SHISA6: variants seen among roughly 807,000 people sequenced by gnomAD.
SHISA6 encodes protein shisa-6.
SHISA6 carries 22 observed loss-of-function variants against 47.9 expected under a neutral mutation model. The ratio of observed to expected loss-of-function variants is 0.46; its 90% confidence interval spans 0.33 to 0.66. The LOEUF (loss-of-function observed/expected upper bound fraction) is 0.66, where lower values mean the gene tolerates loss of function less well. SHISA6 is among the 30% of genes least tolerant of loss of function. The pLI is 0.02. For missense variants in SHISA6, 680 were observed against 764.6 expected (o/e 0.89, Z 1.30); for synonymous variants, 388 against 337.8 (o/e 1.15, Z -1.63).
At chr17:11,516,553 C>T (rs1007268707) in intron 3 of SHISA6, among the ~76,000 whole-genome samples, 5 of 152,142 alleles carry the variant, frequency 3.3e-5, no homozygotes, top group Admixed American at 2.6e-4. Context: ...AGGAGGACCC[C>T]AATATATAGC....
chr17:11,395,110 C>A (rs2142259063), intron 3 of SHISA6, among the ~76,000 whole-genome samples: 1 of 148,772 alleles, frequency 6.7e-6, no homozygotes, highest in Admixed American at 6.8e-5. Flanking sequence ...CACACGATGG[C>A]CCTTTATTTC....
At chr17:11,544,479 T>C (rs1475030168) in intron 3 of SHISA6, among the ~76,000 whole-genome samples, 1 of 151,880 alleles carries the variant, frequency 6.6e-6, no homozygotes, top group East Asian at 1.9e-4. Context: ...ATAAGGGAAA[T>C]GCACATTAAA....
At chr17:11,537,791 C>T (rs187575129) in intron 3 of SHISA6, among the ~76,000 whole-genome samples, 58 of 152,252 alleles carry the variant, frequency 3.8e-4, no homozygotes, top group African/African-American at 1.2e-3. Flanking sequence ...TATTGTGCTA[C>T]GGTAAACACA....
At chr17:11,484,567 A>C (rs1042241937) in intron 3 of SHISA6, among the ~76,000 whole-genome samples, 3 of 152,024 alleles carry the variant, frequency 2.0e-5, no homozygotes, top group Non-Finnish European at 4.4e-5. Flanking sequence ...CGCCCAGCTA[A>C]TTTTTGTAGT....
chr17:11,524,961 C>CGG lies in SHISA6; in HGVS notation c.896-26929_896-26928dup, dbSNP rs57883932. 7.3e-3 allele frequency among the ~76,000 whole-genome samples: 1,108 copies of CGG among 152,000 alleles called. 18 individuals are homozygous for CGG. The highest frequency in any genetic ancestry group is 0.026 in the African/African-American group (1,056 of 41,408). ...CTACACAGTTGAAACCCTGAGATGA[C>CGG]GGGGGGGTAGATGATCCTTTCATGT... On this transcript the variant is annotated intron_variant, in intron 3 of 5. Coordinates refer to ENST00000441885, the MANE Select transcript of SHISA6 (RefSeq NM_207386.4).
intron 3 of SHISA6, among the ~76,000 whole-genome samples, chr17:11,486,490 T>A (rs1916352707): frequency 6.6e-6 from 1 of 152,184 alleles, no homozygotes; most frequent in Admixed American, 6.5e-5. Flanking sequence ...TGCAAAGTAC[T>A]ATGCTAAGGA....
intron 2 of SHISA6, among the ~76,000 whole-genome samples, chr17:11,292,492 G>A (rs1320317941): frequency 6.6e-6 from 1 of 152,014 alleles, no homozygotes; most frequent in Non-Finnish European, 1.5e-5. Flanking sequence ...CGAATTTGGG[G>A]GAGCACACAA....
chr17:11,330,872 A>G (rs1911081077), intron 2 of SHISA6, among the ~76,000 whole-genome samples: 2 of 152,158 alleles, frequency 1.3e-5, no homozygotes, highest in Non-Finnish European at 2.9e-5. Context: ...GACTTTTCTG[A>G]GTGCTCGTGA....
At chr17:11,292,104 CCTGT>C (rs962161630) in intron 2 of SHISA6, among the ~76,000 whole-genome samples, 7 of 152,092 alleles carry the variant, frequency 4.6e-5, no homozygotes, top group South Asian at 2.1e-4. Context: ...ACTTATTCTT[CCTGT>C]CTAACTGAAA....
chr17:11,427,056 A>G (rs572865288), intron 3 of SHISA6, among the ~76,000 whole-genome samples: 1 of 152,312 alleles, frequency 6.6e-6, no homozygotes, highest in East Asian at 1.9e-4. Context: ...GGGGTAATGC[A>G]AAACTTTTCT....
intron 3 of SHISA6, among the ~76,000 whole-genome samples, chr17:11,542,085 A>G (rs1166185095): frequency 6.6e-6 from 1 of 152,194 alleles, no homozygotes; most frequent in East Asian, 1.9e-4. Context: ...AGCTCTAGAC[A>G]TTCTTGCCCA....
chr17:11,336,119 G>T (rs1911311285), intron 2 of SHISA6, among the ~76,000 whole-genome samples: 1 of 152,076 alleles, frequency 6.6e-6, no homozygotes, highest in South Asian at 2.1e-4. Flanking sequence ...TGAGGCAGGA[G>T]AATTGCTTCA....
chr17:11,534,146 A>G (rs2071764220), intron 3 of SHISA6, among the ~76,000 whole-genome samples: 1 of 126,800 alleles, frequency 7.9e-6, no homozygotes, highest in Non-Finnish European at 1.6e-5. Flanking sequence ...TGCCTTGCTA[A>G]TCTTTTTTTT....
In SHISA6 at chr17:11,503,916, C is replaced by T. The variant is rs112597258; in HGVS notation, c.896-47980C>T. Among the ~76,000 whole-genome samples, 1,327 of 152,276 alleles carry T rather than the reference C, an allele frequency of 8.7e-3. 33 individuals are homozygous for T. Among genetic ancestry groups the T allele is most frequent in the African/African-American group, 0.03 (1,249 of 41,538 alleles). On this transcript the variant is annotated intron_variant, in intron 3 of 5. Coordinates refer to ENST00000441885, the MANE Select transcript of SHISA6 (RefSeq NM_207386.4). ...GTGTTAATGTGTATGCTCTCTGCAGCCTTCTGCTGTCTGTCTCTGTGTGTA... is the reference window on the plus strand; with the variant it reads ...GTGTTAATGTGTATGCTCTCTGCAGTCTTCTGCTGTCTGTCTCTGTGTGTA...
At chr17:11,431,341 C>T (rs568151098) in intron 3 of SHISA6, among the ~76,000 whole-genome samples, 1 of 152,334 alleles carries the variant, frequency 6.6e-6, no homozygotes, top group South Asian at 2.1e-4. Flanking sequence ...GCAGGAAGAG[C>T]TGCCCTTTAT....
At chr17:11,309,528 T>C (rs1001786973) in intron 2 of SHISA6, among the ~76,000 whole-genome samples, 1 of 152,226 alleles carries the variant, frequency 6.6e-6, no homozygotes, top group Non-Finnish European at 1.5e-5. Flanking sequence ...TTTCCTTTTT[T>C]GTTCTCTTAC....
At chr17:11,292,261 T>C (rs1909579553) in intron 2 of SHISA6, among the ~76,000 whole-genome samples, 2 of 151,972 alleles carry the variant, frequency 1.3e-5, no homozygotes, top group Admixed American at 1.3e-4. Context: ...ACATATGAAT[T>C]TTGTCATAAT....
chr17:11,494,785 G>A lies in SHISA6; in HGVS notation c.896-57111G>A, dbSNP rs545581992. Among the ~76,000 whole-genome samples the A allele has an allele frequency of 3.2e-4, 48 of 152,278 alleles. No individual in the cohort carries two copies. The South Asian group carries it at 8.3e-3, about 26-fold the overall frequency. ...TTAACCCGGTGACAGTGCCAGGCTCGATTCCTCAGGTGGAGCAGTTCTCAA... is the reference window on the plus strand; with the variant it reads ...TTAACCCGGTGACAGTGCCAGGCTCAATTCCTCAGGTGGAGCAGTTCTCAA... On this transcript the variant is annotated intron_variant, in intron 3 of 5. Transcript: ENST00000441885.
At position 11,246,351 on chromosome 17, in the gene SHISA6, G is replaced by A. The variant is rs145487850; in HGVS notation, c.638+4291G>A. On this transcript the variant is annotated intron_variant, in intron 1 of 5. Coordinates refer to ENST00000441885, the MANE Select transcript of SHISA6 (RefSeq NM_207386.4). Reference sequence around the variant, plus strand: ...GAAAAACACAAAAAGTTAGCCGGGTGTGGTGGCATGCGCCTGTAGTCCCAG... The same window carrying A: ...GAAAAACACAAAAAGTTAGCCGGGTATGGTGGCATGCGCCTGTAGTCCCAG... Among the ~76,000 whole-genome samples, 1,435 of 152,288 alleles carry A rather than the reference G, an allele frequency of 9.4e-3. 20 individuals carry two copies. The highest frequency in any genetic ancestry group is 0.032 in the African/African-American group (1,318 of 41,562).
Sources: allele counts gnomAD v4.1 joint callset (sites outside exome capture counted in the v4.1 genomes callset), GRCh38; gene constraint gnomAD v4.1.1; transcripts MANE v1.5; gene names NCBI Gene and HGNC (gene_info 2026-07-23, HGNC 2026-07-21).